NAV2: variants seen among roughly 807,000 people sequenced by gnomAD.
The protein encoded by NAV2 is neuron navigator 2, also known as helicase, APC down-regulated 1.
NAV2 carries 54 observed loss-of-function variants against 223.2 expected under a neutral mutation model. That is an observed-to-expected ratio of 0.24 (90% confidence interval 0.19 to 0.30). The LOEUF is 0.30. Ranked by LOEUF, NAV2 falls within the 10% of genes least tolerant of loss-of-function variation. The pLI is 1.00. For missense variants in NAV2, 2,806 were observed against 3,147.5 expected (o/e 0.89, Z 2.60); for synonymous variants, 1,279 against 1,239.3 (o/e 1.03, Z -0.67).
At chr11:19,721,032 G>C (rs1395884858) in intron 1 of NAV2, among the ~76,000 whole-genome samples, 1 of 152,224 alleles carries the variant, frequency 6.6e-6, no homozygotes, top group African/African-American at 2.4e-5. Context: ...GAGGAAACCA[G>C]GGCTGACAGA....
chr11:19,798,153 G>A (rs1042497815), intron 1 of NAV2, among the ~76,000 whole-genome samples: 8 of 152,184 alleles, frequency 5.3e-5, no homozygotes, highest in African/African-American at 1.9e-4. Flanking sequence ...GTGAATTGAA[G>A]TCCACACCAA....
chr11:19,462,098 C>T lies in NAV2; in HGVS notation c.75+111071C>T, dbSNP rs1852187626. 2.6e-5 allele frequency among the ~76,000 whole-genome samples: 4 copies of T among 152,274 alleles called. No individual in the cohort carries two copies. In the South Asian group the frequency reaches 6.2e-4, roughly 24 times the overall value. On this transcript the variant is annotated intron_variant, in intron 1 of 37. Coordinates refer to the NAV2 transcript ENST00000360655. ...TGCTGGGATCATAGATGTGAGCCAC[C>T]GCACCCAGCCGAAAAATAAATTTCT... is the stretch of plus-strand genomic sequence containing the variant.
At chr11:20,065,623 G>T (rs1054261507) in intron 20 of NAV2, among the ~76,000 whole-genome samples, 1 of 152,178 alleles carries the variant, frequency 6.6e-6, no homozygotes, top group Non-Finnish European at 1.5e-5. Flanking sequence ...GGCAAGGGGG[G>T]CAAGATACAA....
chr11:20,095,962 CG>C (rs2061237934), intron 30 of NAV2, among the ~76,000 whole-genome samples, 195 bp downstream of exon 30: 1 of 152,190 alleles, frequency 6.6e-6, no homozygotes, highest in African/African-American at 2.4e-5. Context: ...GACTGGTCAT[CG>C]GCCAAATTCT....
intron 1 of NAV2, among the ~76,000 whole-genome samples, chr11:19,676,259 T>C (rs1391038775): frequency 1.3e-5 from 2 of 152,194 alleles, no homozygotes; most frequent in Non-Finnish European, 2.9e-5. Flanking sequence ...AAAAGGAGCA[T>C]GCACTGCAGT....
chr11:20,106,516 C>G (rs111926040), intron 35 of NAV2, among the ~76,000 whole-genome samples: 1 of 130,218 alleles, frequency 7.7e-6, no homozygotes, highest in Non-Finnish European at 1.6e-5. Context: ...GCCGAGATTG[C>G]GCCATTGCAC....
chr11:19,806,783 T>G (rs1242784532), intron 1 of NAV2, among the ~76,000 whole-genome samples: 2 of 152,214 alleles, frequency 1.3e-5, no homozygotes, highest in Non-Finnish European at 2.9e-5. Context: ...GCTGTCCCAC[T>G]CACCATATAA....
intron 11 of NAV2, among the ~76,000 whole-genome samples, chr11:19,992,015 T>G (rs1441188477): frequency 4.6e-5 from 7 of 152,252 alleles, no homozygotes; most frequent in Non-Finnish European, 8.8e-5. Flanking sequence ...AGAGTTATAC[T>G]CATTGTCTTG....
At chr11:19,522,019 G>A (rs187622680) in intron 1 of NAV2, among the ~76,000 whole-genome samples, 4 of 152,328 alleles carry the variant, frequency 2.6e-5, no homozygotes, top group Admixed American at 1.3e-4. Context: ...TGCATGGCTT[G>A]GACAGTCATT....
intron 10 of NAV2, chr11:19,978,823 G>A (rs1027393567): frequency 2.0e-5 from 3 of 152,174 alleles, no homozygotes; most frequent in African/African-American, 7.2e-5. Flanking sequence ...TGCAGGCCAT[G>A]TTGAACTGTG....
intron 1 of NAV2, among the ~76,000 whole-genome samples, chr11:19,550,634 A>G (rs1348941356): frequency 1.3e-5 from 2 of 152,218 alleles, no homozygotes; most frequent in South Asian, 2.1e-4. Context: ...CAGATGCTCA[A>G]TGAATGTTTG....
intron 2 of NAV2, among the ~76,000 whole-genome samples, chr11:19,841,789 T>A (rs537019012): frequency 6.6e-6 from 1 of 152,152 alleles, no homozygotes; most frequent in Non-Finnish European, 1.5e-5. Context: ...GACGGAGATA[T>A]CAAAAGGACA....
intron 24 of NAV2, 145 bp from the exon 25 acceptor site, chr11:20,079,919 A>G (rs926799794): frequency 9.2e-6 from 7 of 757,062 alleles, no homozygotes; most frequent in Admixed American, 8.7e-5. Context: ...GATCTTAGAA[A>G]CAGCTGTAGG....
chr11:19,719,412 G>A (rs893180101), intron 1 of NAV2, among the ~76,000 whole-genome samples: 1 of 152,180 alleles, frequency 6.6e-6, no homozygotes, highest in African/African-American at 2.4e-5. Flanking sequence ...GTCAGAGTTT[G>A]CATCTAGGCT....
chr11:19,913,951 C>G lies in NAV2; in HGVS notation c.932-19225C>G, dbSNP rs147344229. ...GCAAAGGCTTGATCCGTGGAAACTGCCTTTAACCTAGACATCAGCTGTGGA... is the reference window on the plus strand; with the variant it reads ...GCAAAGGCTTGATCCGTGGAAACTGGCTTTAACCTAGACATCAGCTGTGGA... On this transcript the variant is annotated intron_variant, in intron 6 of 37. Coordinates refer to ENST00000349880, the MANE Select transcript of NAV2 (RefSeq NM_145117.5). Among the ~76,000 whole-genome samples the G allele has an allele frequency of 1.2e-3, 179 of 152,246 alleles. No homozygotes were observed. The South Asian group carries it at 0.018, about 15-fold the overall frequency.
chr11:19,944,981 C>G (rs1045906696), intron 8 of NAV2, among the ~76,000 whole-genome samples: 3 of 137,288 alleles, frequency 2.2e-5, no homozygotes, highest in Non-Finnish European at 4.9e-5. Flanking sequence ...CCTTTTCTTT[C>G]CCTTTCCCTT....
At chr11:19,709,787 G>A (rs557015724), upstream of NAV2, among the ~76,000 whole-genome samples, 11 of 151,392 alleles carry the variant, frequency 7.3e-5, no homozygotes, top group South Asian at 6.3e-4. Context: ...AGCAAAACTC[G>A]GTCACAAAAA....
chr11:19,833,936 A>G (rs1312241811), intron 2 of NAV2, among the ~76,000 whole-genome samples: 1 of 152,146 alleles, frequency 6.6e-6, no homozygotes. Context: ...CTGCTTCCTC[A>G]ATGCCAGCAT....
intron 1 of NAV2, among the ~76,000 whole-genome samples, chr11:19,793,541 G>A (rs2057689472): frequency 6.6e-6 from 1 of 152,160 alleles, no homozygotes; most frequent in South Asian, 2.1e-4. Context: ...TGTCTCTGCT[G>A]CCGTCACCTA....
Sources: allele counts gnomAD v4.1 joint callset (sites outside exome capture counted in the v4.1 genomes callset), GRCh38; gene constraint gnomAD v4.1.1; transcripts MANE v1.5; gene names NCBI Gene and HGNC (gene_info 2026-07-23, HGNC 2026-07-21).